SH3RF3: variants seen among roughly 807,000 people sequenced by gnomAD.
SH3RF3 encodes the protein E3 ubiquitin-protein ligase SH3RF3.
Under a neutral mutation model 66.3 loss-of-function variants are expected in SH3RF3, and 29 were observed. That is an observed-to-expected ratio of 0.44 (90% confidence interval 0.33 to 0.60). The LOEUF (loss-of-function observed/expected upper bound fraction) is 0.60, where lower values mean the gene tolerates loss of function less well. Among genes scored for constraint, SH3RF3 ranks in the 20% least tolerant of loss-of-function variants. SH3RF3 has a pLI of 0.04. For missense variants in SH3RF3, 1,194 were observed against 1,190.9 expected, an observed-to-expected ratio of 1.00 and a Z score of -0.04; for synonymous variants, 583 against 532.0, an observed-to-expected ratio of 1.10 and a Z score of -1.32.
chr2:109,292,660 G>A lies in SH3RF3; in HGVS notation c.574-55014G>A, dbSNP rs572898632. On this transcript the variant is annotated intron_variant, in intron 1 of 9. Coordinates refer to ENST00000309415, the MANE Select transcript of SH3RF3 (RefSeq NM_001099289.3). ...ATCTATAGACTCTGCCTAGAAAAGC[G>A]TCTTTTTGGGATGGTGCTGAGAGGA... is the stretch of plus-strand genomic sequence containing the variant. Among the ~76,000 whole-genome samples the A allele has an allele frequency of 7.2e-5, 11 of 152,280 alleles. No homozygotes were observed. In the East Asian group the frequency reaches 7.7e-4, roughly 11 times the overall value.
intron 1 of SH3RF3, among the ~76,000 whole-genome samples, chr2:109,172,661 A>T (rs1391734132): frequency 2.0e-5 from 3 of 152,158 alleles, no homozygotes; most frequent in African/African-American, 7.2e-5. Context: ...ATTGTTTGGG[A>T]TCTGATACTG....
At chr2:109,480,116 C>T (rs529409161) in intron 8 of SH3RF3, among the ~76,000 whole-genome samples, 2 of 152,296 alleles carry the variant, frequency 1.3e-5, no homozygotes, top group African/African-American at 4.8e-5. Flanking sequence ...CTTTCTTTTC[C>T]AACATAGTGA....
intron 1 of SH3RF3, among the ~76,000 whole-genome samples, chr2:109,326,947 T>C (rs1185635805): frequency 6.6e-6 from 1 of 152,246 alleles, no homozygotes; most frequent in Non-Finnish European, 1.5e-5. Context: ...AACTGCTGGG[T>C]TATTGACATA....
chr2:109,270,788 C>T (rs1278671765), intron 1 of SH3RF3, among the ~76,000 whole-genome samples: 1 of 152,160 alleles, frequency 6.6e-6, no homozygotes, highest in Non-Finnish European at 1.5e-5. Flanking sequence ...CCAGGCATAC[C>T]TGCCCATGGA....
chr2:109,206,891 C>T (rs1181387329), intron 1 of SH3RF3, among the ~76,000 whole-genome samples: 2 of 152,186 alleles, frequency 1.3e-5, no homozygotes, highest in African/African-American at 2.4e-5. Flanking sequence ...CCCCTTCTGC[C>T]CAGTCATGGG....
intron 1 of SH3RF3, among the ~76,000 whole-genome samples, chr2:109,229,235 T>A (rs753225020): frequency 9.9e-5 from 15 of 152,226 alleles, no homozygotes; most frequent in Middle Eastern, 3.2e-3. Flanking sequence ...TTCCCCCTTT[T>A]TAGTACACTT....
chr2:109,390,498 TA>T (rs58334501), intron 3 of SH3RF3, among the ~76,000 whole-genome samples: 4,628 of 152,284 alleles, frequency 0.03, 223 homozygotes, highest in African/African-American at 0.11. Context: ...AATGACAATG[TA>T]GATTGCCAGT....
intron 1 of SH3RF3, among the ~76,000 whole-genome samples, chr2:109,275,989 A>ATGCCC (rs1680748384): frequency 6.6e-6 from 1 of 152,188 alleles, no homozygotes; most frequent in Non-Finnish European, 1.5e-5. Context: ...GGAGACGAAC[A>ATGCCC]TGCCCCCATT....
intron 2 of SH3RF3, among the ~76,000 whole-genome samples, chr2:109,359,143 T>C (rs141698875): frequency 1.6e-3 from 240 of 152,370 alleles, no homozygotes; most frequent in African/African-American, 5.1e-3. Flanking sequence ...TCTAGTTGTC[T>C]ATTGCATTGC....
At chr2:109,443,428 A>G (rs1677627121) in intron 7 of SH3RF3, among the ~76,000 whole-genome samples, 1 of 152,222 alleles carries the variant, frequency 6.6e-6, no homozygotes, top group Non-Finnish European at 1.5e-5. Context: ...TATGAGTGTC[A>G]GGCAACTCAA....
intron 1 of SH3RF3, among the ~76,000 whole-genome samples, chr2:109,161,120 C>T (rs1477785960): frequency 6.6e-6 from 1 of 152,182 alleles, no homozygotes; most frequent in Non-Finnish European, 1.5e-5. Flanking sequence ...TTTGAGGCTT[C>T]CTGATGTATC....
At chr2:109,432,445 G>C (rs933082641) in intron 5 of SH3RF3, 56 bp from the exon 6 acceptor site, 6 of 1,598,354 alleles carry the variant, frequency 3.8e-6, no homozygotes, top group Admixed American at 3.4e-5. Flanking sequence ...AATGCCGGCC[G>C]GTCCCCTATC....
intron 8 of SH3RF3, among the ~76,000 whole-genome samples, chr2:109,460,430 T>A (rs1266058217): frequency 2.6e-5 from 4 of 152,104 alleles, no homozygotes; most frequent in African/African-American, 9.7e-5. Flanking sequence ...ACAGTGGTAG[T>A]CGTAGCCAGG....
chr2:109,324,642 C>T (rs939636020), intron 1 of SH3RF3, among the ~76,000 whole-genome samples: 1 of 151,982 alleles, frequency 6.6e-6, no homozygotes, highest in Non-Finnish European at 1.5e-5. Context: ...TTGAAGAAGG[C>T]GAAGTTGATC....
intron 2 of SH3RF3, among the ~76,000 whole-genome samples, chr2:109,352,243 C>T (rs541794251): frequency 1.8e-4 from 28 of 152,206 alleles, no homozygotes; most frequent in Non-Finnish European, 3.7e-4. Context: ...GTTGCACTTC[C>T]GTCAGATGGT....
At chr2:109,499,446 G>T (rs1243332890) in intron 9 of SH3RF3, among the ~76,000 whole-genome samples, 1 of 152,184 alleles carries the variant, frequency 6.6e-6, no homozygotes, top group East Asian at 1.9e-4. Context: ...GGTGGCCCAG[G>T]GGCATCTTCT....
chr2:109,139,389 G>C (rs2104824695), intron 1 of SH3RF3, among the ~76,000 whole-genome samples: 1 of 152,056 alleles, frequency 6.6e-6, no homozygotes, highest in South Asian at 2.1e-4. Flanking sequence ...CAAGTTTGTA[G>C]TCTAAACATG....
At chr2:109,330,414 A>C (rs1352515462) in intron 1 of SH3RF3, among the ~76,000 whole-genome samples, 2 of 151,622 alleles carry the variant, frequency 1.3e-5, no homozygotes, top group African/African-American at 4.9e-5. Context: ...CATCCTGTTG[A>C]TTATTCCTTA....
chr2:109,354,739 G>A lies in SH3RF3; in HGVS notation c.849+6790G>A, dbSNP rs181900998. ...AAGGCGAGCGTCGGCACCCTGCCCCGCAGCCTCTGTTCTTCACAAAGGCGC... is the reference window on the plus strand; with the variant it reads ...AAGGCGAGCGTCGGCACCCTGCCCCACAGCCTCTGTTCTTCACAAAGGCGC... On this transcript the variant is annotated intron_variant, in intron 2 of 9. Transcript: ENST00000309415. Among the ~76,000 whole-genome samples the A allele has an allele frequency of 4.4e-4, 67 of 152,352 alleles. 1 individual carries two copies. In the East Asian group the frequency reaches 0.011, roughly 24 times the overall value.
Sources: gnomAD v4.1 joint callset for allele counts (sites outside exome capture counted in the v4.1 genomes callset) on GRCh38, gnomAD v4.1.1 for gene constraint, MANE v1.5 for transcripts, NCBI Gene and HGNC (gene_info 2026-07-23, HGNC 2026-07-21) for gene names.